Variants in ABCB11 observed in about 807,000 individuals in gnomAD.
ABCB11 encodes the protein bile salt export pump.
A neutral mutation model predicts 148.0 loss-of-function variants in ABCB11; 95 were observed. The observed-to-expected ratio is 0.64, with a 90% CI of 0.54 to 0.76. The LOEUF is 0.76. Among genes scored for constraint, ABCB11 ranks in the 30% least tolerant of loss-of-function variants. The pLI, the probability that ABCB11 is intolerant of heterozygous loss-of-function variation, is 0.00. For missense variants in ABCB11, 1,523 were observed against 1,617.8 expected (o/e 0.94, Z 1.01); for synonymous variants, 591 against 555.4 (o/e 1.06, Z -0.90).
chr2:169,009,309 CAA>C (rs1695110959), intron 5 of ABCB11, among the ~76,000 whole-genome samples: 1 of 151,914 alleles, frequency 6.6e-6, no homozygotes, highest in Non-Finnish European at 1.5e-5. Context: ...TTCACAATAG[CAA>C]AGACTTGGAA....
chr2:169,003,323 C>CATGTGTGT (rs373164160), intron 5 of ABCB11, among the ~76,000 whole-genome samples: 2 of 141,600 alleles, frequency 1.4e-5, no homozygotes, highest in Non-Finnish European at 1.5e-5. Flanking sequence ...TTCCATGGTG[C>CATGTGTGT]GTGTGTGTGT....
chr2:169,007,264 T>A (rs540509758), intron 5 of ABCB11, among the ~76,000 whole-genome samples: 3 of 152,158 alleles, frequency 2.0e-5, no homozygotes, highest in African/African-American at 7.2e-5. Context: ...AAATAGTTGT[T>A]CCACAAATGA....
rs1463057954 is a variant in ABCB11, at chr2:168,973,740, C to A, written c.1409G>T (p.Arg470Leu). The change falls in exon 13 of 28, where the codon CGA becomes CTA. Residue 470 changes from arginine to leucine, a missense_variant. By Grantham distance (102) the Arg-to-Leu change is moderately radical. Transcript: ENST00000650372. ...CATTCCTTCACAGGGGTCATAGAAT[C>A]GCTGAATGAGTTGCAGTGCTGTACT... The part of the protein sequence containing the change: ...GKSTALQLIQ[R>L]FYDPCEGMVT... 4 of 1,611,910 alleles carry A rather than the reference C, an allele frequency of 2.5e-6. No homozygotes were observed. In the East Asian group the frequency reaches 8.9e-5, roughly 36 times the overall value.
intron 13 of ABCB11, among the ~76,000 whole-genome samples, chr2:168,972,596 A>G (rs1476772167): frequency 6.6e-6 from 1 of 152,096 alleles, no homozygotes; most frequent in Non-Finnish European, 1.5e-5. Context: ...ATTTCTATAT[A>G]TTCAGAGTGC....
At chr2:168,932,000 T>G (rs950423760) in intron 24 of ABCB11, among the ~76,000 whole-genome samples, 4 of 152,000 alleles carry the variant, frequency 2.6e-5, no homozygotes, top group Non-Finnish European at 5.9e-5. Flanking sequence ...ACTTACACAT[T>G]TTATTTATTT....
chr2:169,017,967 C>A, intron 2 of ABCB11, 83 bp downstream of exon 2: 1 of 1,171,150 alleles, frequency 8.5e-7, no homozygotes, highest in Non-Finnish European at 1.3e-6. Flanking sequence ...TTTTTTTCTG[C>A]TCCTTGAAAC....
chr2:168,997,058 C>T (rs1338086002), intron 5 of ABCB11, among the ~76,000 whole-genome samples: 1 of 151,862 alleles, frequency 6.6e-6, no homozygotes, highest in African/African-American at 2.4e-5. Flanking sequence ...AATGGCAGCC[C>T]AGGGCTTGGT....
At chr2:168,992,617 G>A (rs1694572237) in intron 8 of ABCB11, among the ~76,000 whole-genome samples, 1 of 151,968 alleles carries the variant, frequency 6.6e-6, no homozygotes, top group Admixed American at 6.6e-5. Flanking sequence ...ATTATTCCCT[G>A]AATCATCATA....
chr2:168,936,062 C>G (rs1330886054), intron 22 of ABCB11, among the ~76,000 whole-genome samples, 168 bp downstream of exon 22: 1 of 152,218 alleles, frequency 6.6e-6, no homozygotes. Context: ...GCTTTATTGC[C>G]TCAGCCTTTG....
Position 168,936,263 on chromosome 2 carries a change from A to C in ABCB11, c.2781T>G (p.Ser927=). ...TQTRMLTGFA[S]RDKQALEMVG... ...CCATCTCCAGGGCCTGCTTATCTCG[A>C]GAGGCAAATCCTGTCAACATCCTGG... The change falls in exon 22 of 28, where the codon TCT becomes TCG. Residue 927 remains serine (S), a synonymous_variant. Transcript: ENST00000650372. 1.2e-6 allele frequency: 2 copies of C among 1,613,854 alleles called. No homozygotes were observed. The highest frequency in any genetic ancestry group is 4.5e-5 in the East Asian group (2 of 44,868).
downstream of ABCB11, among the ~76,000 whole-genome samples, chr2:168,918,268 G>A (rs538246706): frequency 4.2e-4 from 64 of 152,308 alleles, no homozygotes; most frequent in African/African-American, 1.5e-3. Context: ...ACCGAGTAAA[G>A]CACTGGGGAC....
At chr2:168,990,324 C>T (rs959521961) in intron 9 of ABCB11, among the ~76,000 whole-genome samples, 8 of 151,992 alleles carry the variant, frequency 5.3e-5, no homozygotes, top group African/African-American at 7.2e-5. Flanking sequence ...TTTATTTCTC[C>T]GTGATTCAAC....
chr2:168,948,776 C>CT (rs1212247947), intron 19 of ABCB11, among the ~76,000 whole-genome samples: 1 of 151,756 alleles, frequency 6.6e-6, no homozygotes, highest in Non-Finnish European at 1.5e-5. Context: ...TTCCGATTCT[C>CT]TACCTTTCTG....
intron 9 of ABCB11, 102 bp from the exon 10 acceptor site, chr2:168,986,386 T>G (rs1337248762): frequency 2.9e-6 from 3 of 1,037,138 alleles, no homozygotes; most frequent in African/African-American, 1.6e-5. Context: ...GATCATAAAA[T>G]CATCGCAAAC....
At chr2:169,003,206 C>G (rs112779928) in intron 5 of ABCB11, among the ~76,000 whole-genome samples, 2 of 151,204 alleles carry the variant, frequency 1.3e-5, no homozygotes, top group African/African-American at 2.4e-5. Flanking sequence ...GAACATACAC[C>G]GTTTAGTTTT....
At chr2:168,980,633 A>G (rs545069554) in intron 10 of ABCB11, among the ~76,000 whole-genome samples, 32 of 152,300 alleles carry the variant, frequency 2.1e-4, no homozygotes, top group African/African-American at 7.7e-4. Flanking sequence ...ACAACATGTC[A>G]TAAGTAGTAG....
chr2:168,942,267 T>A (rs953044952), intron 21 of ABCB11, among the ~76,000 whole-genome samples: 1 of 151,858 alleles, frequency 6.6e-6, no homozygotes, highest in Non-Finnish European at 1.5e-5. Flanking sequence ...TGTTTGTATG[T>A]CTCTCAGGAA....
In ABCB11 at chr2:168,991,045, A is replaced by C. The variant is rs993968136; in HGVS notation, c.784-120T>G. 1.3e-5 allele frequency: 15 copies of C among 1,183,712 alleles called. No homozygotes were observed. The African/African-American group carries it at 2.3e-4, about 18-fold the overall frequency. 73.3% of individuals were successfully genotyped at this position (1,183,712 alleles called of 1,614,324 possible). Reference sequence around the variant, plus strand: ...AATACAATATTAGATTCTCACTGTAACATCATTGACAGGAGGAAGAAATCT... The same window carrying C: ...AATACAATATTAGATTCTCACTGTACCATCATTGACAGGAGGAAGAAATCT... On this transcript the variant is annotated intron_variant, in intron 8 of 27. Coordinates refer to ENST00000650372, the MANE Select transcript of ABCB11 (RefSeq NM_003742.4).
rs762147253 is a variant in ABCB11, at chr2:168,932,457, T to C, written c.3133A>G (p.Lys1045Glu). ...TGAAAAAAGCGTGCAGCTGATATTT[T>C]AGCTTTTGCATAACTTGGGGTGTAA... The part of the protein sequence containing the change: ...FSYTPSYAKA[K>E]ISAARFFQLL... Residue 1045 changes from lysine (K) to glutamate (E), a missense_variant, in exon 24 of 28, where the codon AAA becomes GAA. Lys to Glu is a moderately conservative substitution (Grantham distance 56, BLOSUM62 1). Coordinates refer to ENST00000650372, the MANE Select transcript of ABCB11 (RefSeq NM_003742.4). The C allele has an allele frequency of 1.2e-5, 20 of 1,612,778 alleles. No homozygotes were observed. Among genetic ancestry groups the C allele is most frequent in the Non-Finnish European group, 1.6e-5 (19 of 1,179,468 alleles).
Sources: gnomAD v4.1 joint callset for allele counts (sites outside exome capture counted in the v4.1 genomes callset) on GRCh38, gnomAD v4.1.1 for gene constraint, MANE v1.5 for transcripts, NCBI Gene and HGNC (gene_info 2026-07-23, HGNC 2026-07-21) for gene names.